Variants in PCDHA1 observed in about 807,000 individuals in gnomAD.
PCDHA1 encodes protocadherin alpha 1, also known as protocadherin alpha-1.
Under a neutral mutation model 61.3 loss-of-function variants are expected in PCDHA1, and 42 were observed. The ratio of observed to expected loss-of-function variants is 0.69; its 90% CI spans 0.54 to 0.89. The LOEUF (loss-of-function observed/expected upper bound fraction) is 0.89. Ranked by LOEUF, PCDHA1 falls within the 40% of genes least tolerant of loss-of-function variation. The pLI is 0.00. For missense variants in PCDHA1, 1,256 were observed against 1,235.3 expected (o/e 1.02, Z -0.25); for synonymous variants, 610 against 553.8 (o/e 1.10, Z -1.43).
intron 1 of PCDHA1, chr5:140,797,151 G>C: frequency 6.2e-7 from 1 of 1,613,964 alleles, no homozygotes; most frequent in Non-Finnish European, 8.5e-7. Flanking sequence ...CACCCACCGA[G>C]GGTGCGCGCG....
At chr5:140,807,870 T>TA in intron 1 of PCDHA1, 1 of 1,614,150 alleles carries the variant, frequency 6.2e-7, no homozygotes, top group Non-Finnish European at 8.5e-7. Context: ...ACCGTTCAGT[T>TA]ACTCATCACA....
rs2150318031 is a variant in PCDHA1, at chr5:140,841,549, G to A, written c.2394+52865G>A. The A allele has an allele frequency of 3.1e-6, 5 of 1,613,828 alleles. No homozygotes were observed. The South Asian group carries it at 3.3e-5, about 11-fold the overall frequency. On this transcript the variant is annotated intron_variant, in intron 1 of 3. Transcript: ENST00000504120. ...CCAAAAGACACCGGGACCTTCTGGA[G>A]GTAAGTCTGCAGAATGGCATTTTGT...
intron 1 of PCDHA1, among the ~76,000 whole-genome samples, chr5:140,920,150 G>A (rs2079485713): frequency 6.6e-6 from 1 of 152,244 alleles, no homozygotes; most frequent in South Asian, 2.1e-4. Flanking sequence ...CCAAACCTGG[G>A]AGAAAAACTG....
At chr5:140,976,241 T>C (rs1170027788) in intron 1 of PCDHA1, among the ~76,000 whole-genome samples, 3 of 152,144 alleles carry the variant, frequency 2.0e-5, no homozygotes, top group African/African-American at 4.8e-5. Context: ...TGTCATTTCA[T>C]GTAAATTTAT....
chr5:140,992,698 A>G (rs764226558), intron 3 of PCDHA1, among the ~76,000 whole-genome samples: 4 of 152,094 alleles, frequency 2.6e-5, no homozygotes, highest in Non-Finnish European at 4.4e-5. Flanking sequence ...GGGGTGGGTA[A>G]TGTTCCTGCC....
chr5:140,854,460 A>G (rs2043130450), intron 1 of PCDHA1: 1 of 150,030 alleles, frequency 6.7e-6, no homozygotes, highest in Non-Finnish European at 1.5e-5. Context: ...GAGGCATTCC[A>G]GAGGAGTAGA....
At chr5:140,797,283 C>T (rs1554120379) in intron 1 of PCDHA1, 2 of 1,614,220 alleles carry the variant, frequency 1.2e-6, no homozygotes, top group South Asian at 2.2e-5. Flanking sequence ...TGGCCTTCAG[C>T]CCTAGCTTAT....
At chr5:140,810,574 T>C (rs1764686543) in intron 1 of PCDHA1, 1 of 152,248 alleles carries the variant, frequency 6.6e-6, no homozygotes, top group African/African-American at 2.4e-5. Context: ...TAAATGAAGT[T>C]GAGTACCTTT....
At chr5:140,877,141 G>T (rs1554169360) in intron 1 of PCDHA1, 2 of 1,613,680 alleles carry the variant, frequency 1.2e-6, no homozygotes, top group African/African-American at 1.3e-5. Flanking sequence ...GTTCGTGCTG[G>T]ACGAGAACGA....
At chr5:140,805,405 A>G in intron 1 of PCDHA1, 1 of 1,075,316 alleles carries the variant, frequency 9.3e-7, no homozygotes, top group Non-Finnish European at 1.1e-6. Context: ...TGATTCAGAA[A>G]TTTGGTGGGT....
intron 1 of PCDHA1, among the ~76,000 whole-genome samples, chr5:140,938,918 A>T (rs2092265154): frequency 6.6e-6 from 1 of 152,006 alleles, no homozygotes; most frequent in Non-Finnish European, 1.5e-5. Flanking sequence ...CACGCACAAG[A>T]AATTGGCTTT....
At chr5:140,829,337 G>A (rs2150166119) in intron 1 of PCDHA1, 57 of 1,614,146 alleles carry the variant, frequency 3.5e-5, no homozygotes, top group Non-Finnish European at 4.6e-5. Flanking sequence ...CCTGGACCGC[G>A]AGAGCGTGTC....
rs782497691 is a variant in PCDHA1 at position 140,856,769 on chromosome 5, T to C, written c.2394+68085T>C. On this transcript the variant is annotated intron_variant, in intron 1 of 3. Transcript: ENST00000504120. ...AGATGCCAATGATAACGCCCCTATC[T>C]TTGACAGACCGGTTTATGAAGTTAA... is the stretch of plus-strand genomic sequence containing the variant. 1.8e-5 allele frequency: 28 copies of C among 1,596,572 alleles called. 4 individuals carry two copies. The highest frequency in any genetic ancestry group is 2.4e-5 in the Non-Finnish European group (28 of 1,166,742).
chr5:140,897,781 T>G (rs1437567567), intron 1 of PCDHA1, among the ~76,000 whole-genome samples: 1 of 152,172 alleles, frequency 6.6e-6, no homozygotes, highest in East Asian at 1.9e-4. Flanking sequence ...TCCACAATGG[T>G]TGAACTAGTT....
At chr5:140,989,531 G>C (rs782610172) in intron 3 of PCDHA1, among the ~76,000 whole-genome samples, 1 of 152,198 alleles carries the variant, frequency 6.6e-6, no homozygotes, top group Non-Finnish European at 1.5e-5. Flanking sequence ...AGAGGAGGAA[G>C]ATAGTTTGTA....
intron 1 of PCDHA1, chr5:140,967,339 G>A (rs2153751436): frequency 6.2e-7 from 1 of 1,607,904 alleles, no homozygotes; most frequent in Non-Finnish European, 8.5e-7. Context: ...GCCCCAGCGA[G>A]CACTTCGAGC....
intron 1 of PCDHA1, chr5:140,884,356 C>T: frequency 6.2e-7 from 1 of 1,613,936 alleles, no homozygotes; most frequent in South Asian, 1.1e-5. Flanking sequence ...TGGTGGATGT[C>T]AATGTTTACT....
chr5:140,829,246 G>C (rs2150164613), intron 1 of PCDHA1: 1 of 1,614,268 alleles, frequency 6.2e-7, no homozygotes. Context: ...ACGGGCAGGT[G>C]AACTGCTCGC....
chr5:140,894,603 C>G (rs782068626), intron 1 of PCDHA1, among the ~76,000 whole-genome samples: 1 of 151,756 alleles, frequency 6.6e-6, no homozygotes, highest in African/African-American at 2.4e-5. Context: ...TTTCTCATCT[C>G]TCTTTTCAAA....
Sources: gnomAD v4.1 joint callset for allele counts (sites outside exome capture counted in the v4.1 genomes callset) on GRCh38, gnomAD v4.1.1 for gene constraint, MANE v1.5 for transcripts, NCBI Gene and HGNC (gene_info 2026-07-23, HGNC 2026-07-21) for gene names.